Variants in QTMAN observed in about 807,000 individuals in gnomAD.
QTMAN encodes the protein tRNA-queuosine alpha-mannosyltransferase.
chr2:144,275,961 A>C, the QTMAN span, among the ~76,000 whole-genome samples: 1 of 152,216 alleles, frequency 6.6e-6, no homozygotes, highest in African/African-American at 2.4e-5. Flanking sequence ...ACTTAAATAC[A>C]TATTCCTCAC....
At chr2:144,020,574 T>C in the QTMAN span, among the ~76,000 whole-genome samples, 2 of 152,182 alleles carry the variant, frequency 1.3e-5, no homozygotes, top group Non-Finnish European at 2.9e-5. Flanking sequence ...CACATGCCCA[T>C]TGGGGCTTCA....
At chr2:144,233,429 T>C in the QTMAN span, among the ~76,000 whole-genome samples, 4 of 152,168 alleles carry the variant, frequency 2.6e-5, no homozygotes, top group African/African-American at 9.7e-5. Flanking sequence ...ACAATGGTGG[T>C]CTGTGTGAAG....
chr2:144,077,458 T>C, the QTMAN span, among the ~76,000 whole-genome samples: 1 of 152,236 alleles, frequency 6.6e-6, no homozygotes, highest in Admixed American at 6.5e-5. Flanking sequence ...ATCCATTATC[T>C]ATACCTCCAG....
the QTMAN span, among the ~76,000 whole-genome samples, chr2:144,327,683 T>G: frequency 6.6e-6 from 1 of 152,156 alleles, no homozygotes; most frequent in Non-Finnish European, 1.5e-5. Flanking sequence ...TCTGGTGATG[T>G]GAGTCCAGAA....
the QTMAN span, among the ~76,000 whole-genome samples, chr2:144,036,356 C>T: frequency 6.6e-6 from 1 of 152,130 alleles, no homozygotes; most frequent in Non-Finnish European, 1.5e-5. Flanking sequence ...AATTTGTTTT[C>T]AATAGTTCTT....
the QTMAN span, among the ~76,000 whole-genome samples, chr2:144,044,243 AATAC>A: frequency 1.3e-5 from 2 of 152,232 alleles, no homozygotes; most frequent in Admixed American, 1.3e-4. Context: ...GCTTAAAAAA[AATAC>A]ATACATATAT....
chr2:143,978,229 CT>C, the QTMAN span, among the ~76,000 whole-genome samples: 1 of 152,190 alleles, frequency 6.6e-6, no homozygotes, highest in South Asian at 2.1e-4. Flanking sequence ...TTTGACAACA[CT>C]GACTGTAATG....
chr2:144,243,470 G>C, the QTMAN span, among the ~76,000 whole-genome samples: 1 of 152,136 alleles, frequency 6.6e-6, no homozygotes, highest in South Asian at 2.1e-4. Flanking sequence ...ATGATATTAG[G>C]AATGATAGCA....
At chr2:143,948,365 A>C in the QTMAN span, among the ~76,000 whole-genome samples, 1 of 152,188 alleles carries the variant, frequency 6.6e-6, no homozygotes, top group Non-Finnish European at 1.5e-5. Context: ...GAAAACAAAA[A>C]AATCAGGAGC....
At chr2:144,205,715 A>G in the QTMAN span, among the ~76,000 whole-genome samples, 4 of 152,210 alleles carry the variant, frequency 2.6e-5, no homozygotes, top group Admixed American at 6.5e-5. Context: ...TCACTTCACT[A>G]AAGACACTAC....
the QTMAN span, among the ~76,000 whole-genome samples, chr2:143,958,772 T>A: frequency 6.6e-6 from 1 of 150,598 alleles, no homozygotes; most frequent in Non-Finnish European, 1.5e-5. Context: ...TGATTTTTAT[T>A]TCTTTCTTTC....
chr2:144,145,175 T>A, the QTMAN span, among the ~76,000 whole-genome samples: 33 of 151,730 alleles, frequency 2.2e-4, no homozygotes, highest in Non-Finnish European at 5.9e-5. Context: ...CTTTAATTTT[T>A]ACTTCTCTGT....
At chr2:144,078,947 A>T in the QTMAN span, among the ~76,000 whole-genome samples, 1 of 152,114 alleles carries the variant, frequency 6.6e-6, no homozygotes, top group African/African-American at 2.4e-5. Flanking sequence ...TTGTTGAAGA[A>T]CCACACTATC....
chr2:143,950,231 A>G, the QTMAN span, among the ~76,000 whole-genome samples: 1 of 151,806 alleles, frequency 6.6e-6, no homozygotes, highest in African/African-American at 2.4e-5. Flanking sequence ...TAACAGCTCA[A>G]TGAAATAACA....
chr2:144,233,144 T>C, the QTMAN span, among the ~76,000 whole-genome samples: 1 of 152,148 alleles, frequency 6.6e-6, no homozygotes, highest in African/African-American at 2.4e-5. Context: ...AGAGATACCT[T>C]GGCATAAAAA....
the QTMAN span, among the ~76,000 whole-genome samples, chr2:144,116,672 C>T: frequency 2.6e-5 from 4 of 152,256 alleles, no homozygotes; most frequent in African/African-American, 9.6e-5. Flanking sequence ...GAAATATACT[C>T]GAGCAATCTA....
chr2:144,299,589 T>C, the QTMAN span, among the ~76,000 whole-genome samples: 2 of 152,196 alleles, frequency 1.3e-5, no homozygotes, highest in African/African-American at 4.8e-5. Flanking sequence ...GCTACTACTG[T>C]AATATAGAGT....
chr2:144,271,177 A>G, the QTMAN span, among the ~76,000 whole-genome samples: 1 of 152,198 alleles, frequency 6.6e-6, no homozygotes, highest in African/African-American at 2.4e-5. Context: ...AGATTTCTTT[A>G]TGTTTTTAAG....
At chr2:144,244,201 A>G in the QTMAN span, among the ~76,000 whole-genome samples, 4 of 152,258 alleles carry the variant, frequency 2.6e-5, no homozygotes, top group Non-Finnish European at 5.9e-5. Flanking sequence ...TTGAATGGGC[A>G]TAAACAACTC....
Sources: allele counts gnomAD v4.1 joint callset (sites outside exome capture counted in the v4.1 genomes callset), GRCh38; gene constraint gnomAD v4.1.1; transcripts MANE v1.5; gene names NCBI Gene and HGNC (gene_info 2026-07-23, HGNC 2026-07-21).